PASK: variants seen among roughly 807,000 people sequenced by gnomAD.
The protein encoded by PASK is PAS domain-containing serine/threonine-protein kinase.
In PASK, 110 loss-of-function variants were observed where a neutral mutation model predicts 121.0. That is an observed-to-expected ratio of 0.91 (90% confidence interval 0.78 to 1.06). PASK has a LOEUF of 1.06. PASK is among the 50% of genes least tolerant of loss of function. PASK has a pLI of 0.00. For synonymous variants in PASK, 686 were observed against 717.8 expected (o/e 0.96, Z 0.71); for missense variants, 1,643 against 1,702.3 (o/e 0.97, Z 0.61).
Position 241,133,182 on chromosome 2 carries a change from G to A in PASK, c.1307-152C>T, listed in dbSNP as rs113089283. 8.6e-3 allele frequency: 6,392 copies of A among 745,862 alleles called. 240 individuals are homozygous for A. In the African/African-American group the frequency reaches 0.093, roughly 11 times the overall value. The allele number at this position is 745,862 out of a possible 1,614,324, so 46.2% of individuals were successfully genotyped here. On this transcript the variant is annotated intron_variant, in intron 8 of 17. Transcript: ENST00000234040. ...CCAGGCGTCCCAGGTCCAACCCAGC[G>A]CCCTCTTCTCTGCCTCCTGTCTCCC...
chr2:241,124,794 A>G (rs1217718275), intron 10 of PASK, among the ~76,000 whole-genome samples: 8 of 152,228 alleles, frequency 5.3e-5, no homozygotes, highest in Non-Finnish European at 1.0e-4. Context: ...TAAGTGTAAG[A>G]AAAAAACCCT....
intron 14 of PASK, chr2:241,114,119 A>G (rs2065227530): frequency 2.0e-6 from 2 of 985,284 alleles, no homozygotes; most frequent in South Asian, 4.7e-5. Context: ...TTGCTGTAAA[A>G]AGTTTCAGAA....
At chr2:241,143,550 CA>C (rs1334278226) in intron 1 of PASK, among the ~76,000 whole-genome samples, 3 of 115,544 alleles carry the variant, frequency 2.6e-5, no homozygotes, top group African/African-American at 3.3e-5. Context: ...GACTCCATGT[CA>C]AAAAAAAAGA....
intron 12 of PASK, chr2:241,118,949 C>T: frequency 9.7e-7 from 1 of 1,025,700 alleles, no homozygotes; most frequent in Non-Finnish European, 1.2e-6. Flanking sequence ...AGTAAGCTGC[C>T]CGTGGCTGGC....
At chr2:241,147,096 A>G (rs1383518313) in intron 1 of PASK, among the ~76,000 whole-genome samples, 6 of 152,208 alleles carry the variant, frequency 3.9e-5, no homozygotes. Flanking sequence ...CTCCTTCTCT[A>G]AGCATCCAAA....
At chr2:241,149,642 G>C, upstream of PASK, 3 of 1,540,300 alleles carry the variant, frequency 1.9e-6, no homozygotes, top group East Asian at 2.4e-5. Flanking sequence ...GGAGCCAAAG[G>C]AATAATGGGC....
In PASK at chr2:241,107,488, G is replaced by A; in HGVS notation, c.3679C>T (p.Leu1227Phe). The A allele has an allele frequency of 6.2e-7, 1 of 1,614,024 alleles. No homozygotes were observed. Among genetic ancestry groups the A allele is most frequent in the Non-Finnish European group, 8.5e-7 (1 of 1,179,948 alleles). ...PYLVSKELMS[L>F]VSGLLQPVPE... The stretch of plus-strand genomic sequence containing the variant: ...ACTGGCTGCAGCAGCCCAGACACAA[G>A]GCTCATGAGTTCTGGGGACACAAAG... The change falls in exon 17 of 18, where the codon CTT becomes TTT. Residue 1227 changes from leucine (L) to phenylalanine (F), a missense_variant. By Grantham distance (22) the Leu-to-Phe change is conservative (BLOSUM62 0). This residue lies in a region of PASK where 453 missense variants were observed against 511.2 expected (regional missense o/e 0.89). Coordinates refer to ENST00000234040, the MANE Select transcript of PASK (RefSeq NM_015148.4).
chr2:241,125,326 C>G (rs2065802913), intron 10 of PASK, among the ~76,000 whole-genome samples: 1 of 149,608 alleles, frequency 6.7e-6, no homozygotes, highest in Non-Finnish European at 1.5e-5. Flanking sequence ...ATAGGCCGGG[C>G]ACGGTGGCTC....
At chr2:241,124,990 C>A (rs972306870) in intron 10 of PASK, among the ~76,000 whole-genome samples, 1 of 146,562 alleles carries the variant, frequency 6.8e-6, no homozygotes, top group Non-Finnish European at 1.5e-5. Flanking sequence ...CACGGTGAAA[C>A]CCCATCTCTA....
In PASK at chr2:241,122,755, C is replaced by G; in HGVS notation, c.3049G>C (p.Val1017Leu). 1.2e-6 allele frequency: 2 copies of G among 1,614,164 alleles called. No individual in the cohort carries two copies. Among genetic ancestry groups the G allele is most frequent in the South Asian group, 2.2e-5 (2 of 91,086 alleles). The stretch of plus-strand genomic sequence containing the variant: ...ACCTCCTTGTTTTTTTCCTTGTCCA[C>G]AGCAGTCCACACGAAGCCGAAGGCC... ...SGAFGFVWTA[V>L]DKEKNKEVVV... Residue 1017 changes from valine (V) to leucine (L), a missense_variant, in exon 12 of 18, where the codon GTG becomes CTG. By Grantham distance (32) the Val-to-Leu change is conservative. Coordinates refer to ENST00000234040, the MANE Select transcript of PASK (RefSeq NM_015148.4).
chr2:241,137,325 T>A, intron 6 of PASK, 61 bp from the exon 7 acceptor site: 3 of 1,433,144 alleles, frequency 2.1e-6, no homozygotes, highest in African/African-American at 1.4e-5. Context: ...GCACTGAGTC[T>A]GTGCTGCGTC....
At chr2:241,132,052 CA>C (rs36063946) in intron 9 of PASK, among the ~76,000 whole-genome samples, 309 of 83,678 alleles carry the variant, frequency 3.7e-3, no homozygotes, top group Middle Eastern at 5.9e-3. Flanking sequence ...GACTCCATCT[CA>C]AAAAAAAAAA....
Position 241,140,560 on chromosome 2 carries a change from A to T in PASK, c.390T>A (p.Pro130=), listed in dbSNP as rs372209788. 14 of 1,613,838 alleles carry T rather than the reference A, an allele frequency of 8.7e-6. No individual in the cohort carries two copies. The African/African-American group carries it at 1.9e-4, about 22-fold the overall frequency. The part of the protein sequence containing the change: ...SPLLPAPVCN[P]NKAIFTVDAK... ...CATCCACCGTGAAGATGGCCTTGTT[A>T]GGGTTGCACACAGGGGCCGGAAGCA... The change falls in exon 3 of 18, where the codon CCT becomes CCA. Residue 130 remains proline (P), a synonymous_variant. Coordinates refer to ENST00000234040, the MANE Select transcript of PASK (RefSeq NM_015148.4).
At position 241,140,029 on chromosome 2, in the gene PASK, G is replaced by A. The variant is rs142591668; in HGVS notation, c.456C>T (p.Cys152=). ...TEILVANDKA[C]GLLGYSSQDL... ...CCTGGCTGCTGTACCCCAGGAGCCC[G>A]CAAGCTTTGTCGTTAGCAACCAGGA... Residue 152 remains cysteine (C), a synonymous_variant, in exon 4 of 18, where the codon TGC becomes TGT. Coordinates refer to ENST00000234040, the MANE Select transcript of PASK (RefSeq NM_015148.4). The A allele has an allele frequency of 2.4e-4, 390 of 1,613,744 alleles. No homozygotes were observed. The highest frequency in any genetic ancestry group is 3.3e-4 in the Middle Eastern group (2 of 6,082).
At chr2:241,150,330 C>T, upstream of PASK, 1 of 1,324,530 alleles carries the variant, frequency 7.5e-7, no homozygotes, top group South Asian at 2.2e-5. Context: ...GGCGCGCGGC[C>T]TCATGACGGA....
chr2:241,140,574 G>C lies in PASK; in HGVS notation c.376C>G (p.Pro126Ala). The change falls in exon 3 of 18, where the codon CCT (proline) becomes GCT (alanine). Residue 126 changes from proline to alanine, a missense_variant. Around this residue, in one of 3 missense-constraint regions of PASK, gnomAD observed 1,176 missense variants for 1,162.2 expected, o/e 1.01. Transcript: ENST00000234040. ...ATGGCCTTGTTAGGGTTGCACACAG[G>C]GGCCGGAAGCAGAGGTGAGGACCAC... ...SGWSSPLLPA[P>A]VCNPNKAIFT... is the part of the protein sequence containing the mutation. 1 of 1,614,052 alleles carries C rather than the reference G, an allele frequency of 6.2e-7. No individual in the cohort carries two copies. The highest frequency in any genetic ancestry group is 8.5e-7 in the Non-Finnish European group (1 of 1,179,982).
chr2:241,111,717 C>A (rs1382139124), intron 15 of PASK, among the ~76,000 whole-genome samples: 1 of 152,156 alleles, frequency 6.6e-6, no homozygotes, highest in Non-Finnish European at 1.5e-5. Flanking sequence ...CTTCTCCCCA[C>A]AGCAGAGCAG....
In PASK at chr2:241,127,044, T is replaced by TGGCTTCGCCACCACAAGCCCC; in HGVS notation, c.1850_1870dup (p.Ser623_Gln624insArgGlyLeuTrpTrpArgSer). On this transcript the variant is annotated inframe_insertion, in exon 10 of 18. Coordinates refer to ENST00000234040, the MANE Select transcript of PASK (RefSeq NM_015148.4). ...CCCAGAGGGGCTGGGGGCCAAGTCC[T>TGGCTTCGCCACCACAAGCCCC]GGCTTCGCCACCACAAGCCCCATTC... 1 of 1,614,122 alleles carries TGGCTTCGCCACCACAAGCCCC rather than the reference T, an allele frequency of 6.2e-7. No homozygotes were observed. Among genetic ancestry groups the TGGCTTCGCCACCACAAGCCCC allele is most frequent in the Non-Finnish European group, 8.5e-7 (1 of 1,180,036 alleles).
chr2:241,122,222 A>G (rs2065642864), intron 12 of PASK, among the ~76,000 whole-genome samples: 1 of 152,312 alleles, frequency 6.6e-6, no homozygotes, highest in African/African-American at 2.4e-5. Context: ...AAATAAAATT[A>G]AATCCAAAGT....
Sources: allele counts gnomAD v4.1 joint callset (sites outside exome capture counted in the v4.1 genomes callset), GRCh38; gene constraint gnomAD v4.1.1; regional missense constraint gnomAD v4.1.1; transcripts MANE v1.5; gene names NCBI Gene and HGNC (gene_info 2026-07-23, HGNC 2026-07-21).